C2orf76: variants seen among roughly 807,000 people sequenced by gnomAD.
C2orf76 encodes the protein UPF0538 protein C2orf76.
A neutral mutation model predicts 16.9 loss-of-function variants in C2orf76; 23 were observed. The ratio of observed to expected loss-of-function variants is 1.36; its 90% CI spans 0.98 to 1.93. C2orf76 has a LOEUF of 1.93. Ranked by LOEUF, C2orf76 falls within the 30% of genes most tolerant of loss-of-function variation. The pLI is 0.00. For missense variants in C2orf76, 152 were observed against 152.6 expected (o/e 1.00, Z 0.02); for synonymous variants, 48 against 52.3 (o/e 0.92, Z 0.35).
chr2:119,356,838 C>T (rs934985196), intron 1 of C2orf76, among the ~76,000 whole-genome samples: 1 of 151,400 alleles, frequency 6.6e-6, no homozygotes, highest in Non-Finnish European at 1.5e-5. Flanking sequence ...CTGCAAATAG[C>T]GAAAGGATAA....
chr2:119,301,076 A>AACACACACACACACAC (rs57577702), downstream of C2orf76, among the ~76,000 whole-genome samples: 334 of 146,234 alleles, frequency 2.3e-3, 3 homozygotes, highest in African/African-American at 7.7e-3. Context: ...ACTTCTTAAA[A>AACACACACACACACAC]ACACACACAC....
intron 2 of C2orf76, among the ~76,000 whole-genome samples, chr2:119,334,379 C>CAAAAAAAAAAAA (rs34753333): frequency 2.8e-5 from 2 of 71,624 alleles, no homozygotes; most frequent in Admixed American, 1.9e-4. Flanking sequence ...GTATGCAAAG[C>CAAAAAAAAAAAA]AAAAAAAAAA....
intron 4 of C2orf76, 101 bp downstream of exon 4, chr2:119,317,365 T>A: frequency 1.3e-6 from 1 of 797,784 alleles, no homozygotes; most frequent in Non-Finnish European, 1.8e-6. Flanking sequence ...GCTATTATAA[T>A]GGGAAATATT....
chr2:119,342,695 G>A (rs1235120517), intron 1 of C2orf76, among the ~76,000 whole-genome samples: 1 of 152,054 alleles, frequency 6.6e-6, no homozygotes, highest in Non-Finnish European at 1.5e-5. Flanking sequence ...GGAATAAATT[G>A]GGGCTTCAAT....
At chr2:119,308,820 A>G (rs1166166736) in intron 5 of C2orf76, among the ~76,000 whole-genome samples, 1 of 152,202 alleles carries the variant, frequency 6.6e-6, no homozygotes, top group Non-Finnish European at 1.5e-5. Context: ...TGGCTTAGAA[A>G]CAAGTACCAT....
chr2:119,281,218 C>T, the C2orf76 span, among the ~76,000 whole-genome samples: 53 of 152,264 alleles, frequency 3.5e-4, no homozygotes, highest in African/African-American at 1.2e-3. Context: ...TATTTCATCA[C>T]CCGGGTATTA....
chr2:119,336,675 G>A (rs79406930), intron 2 of C2orf76, among the ~76,000 whole-genome samples: 1,667 of 151,946 alleles, frequency 0.011, 33 homozygotes, highest in African/African-American at 0.038. Flanking sequence ...GAGGAGGATC[G>A]AAAAATAAAA....
intron 2 of C2orf76, among the ~76,000 whole-genome samples, chr2:119,323,758 C>A (rs1296629294): frequency 6.6e-6 from 1 of 152,208 alleles, no homozygotes; most frequent in Non-Finnish European, 1.5e-5. Flanking sequence ...GATCTGAGAG[C>A]ATGCGCCCAT....
the C2orf76 span, among the ~76,000 whole-genome samples, chr2:119,292,497 C>T: frequency 3.9e-5 from 6 of 152,242 alleles, no homozygotes; most frequent in Admixed American, 6.5e-5. Context: ...CGAGTCAGAC[C>T]GACAAAAACA....
At chr2:119,362,184 A>G (rs1335280967) in intron 1 of C2orf76, among the ~76,000 whole-genome samples, 1 of 152,218 alleles carries the variant, frequency 6.6e-6, no homozygotes, top group Non-Finnish European at 1.5e-5. Context: ...TTCTAGTAAC[A>G]TTCTTTTCTA....
chr2:119,330,045 T>C (rs1679623011), intron 2 of C2orf76, among the ~76,000 whole-genome samples: 1 of 152,086 alleles, frequency 6.6e-6, no homozygotes, highest in Admixed American at 6.6e-5. Context: ...TCTGAAAACA[T>C]CTTCATGTTG....
intron 2 of C2orf76, among the ~76,000 whole-genome samples, chr2:119,335,964 T>A (rs1679831675): frequency 6.6e-6 from 1 of 152,210 alleles, no homozygotes. Context: ...ATCGAAATGC[T>A]TGCAAATTAA....
intron 1 of C2orf76, among the ~76,000 whole-genome samples, chr2:119,360,287 G>T (rs1680703125): frequency 6.6e-6 from 1 of 152,178 alleles, no homozygotes; most frequent in East Asian, 1.9e-4. Context: ...TGACCAGCCT[G>T]GCCAACATGG....
At chr2:119,358,502 C>T (rs191428132) in intron 1 of C2orf76, among the ~76,000 whole-genome samples, 3 of 147,956 alleles carry the variant, frequency 2.0e-5, no homozygotes, top group South Asian at 2.2e-4. Context: ...CACTTGAATC[C>T]GGGAGGTGCA....
intron 1 of C2orf76, among the ~76,000 whole-genome samples, chr2:119,366,172 G>A (rs1489018647): frequency 6.6e-6 from 1 of 152,098 alleles, no homozygotes; most frequent in Non-Finnish European, 1.5e-5. Flanking sequence ...CTACTTGTAA[G>A]TTCCAAGATT....
intron 1 of C2orf76, among the ~76,000 whole-genome samples, chr2:119,350,074 C>CCA: frequency 1.0e-5 from 1 of 95,318 alleles, no homozygotes; most frequent in African/African-American, 4.3e-5. Flanking sequence ...ACACCGCCCC[C>CCA]CGCCCCCCCA....
chr2:119,305,972 G>A lies in C2orf76; in HGVS notation c.305-3424C>T, dbSNP rs74703992. ...AAAAAAAAAAACAAAAAAAACCTCG[G>A]TCTTTGATAGACTGGGTACATGCCT... On this transcript the variant is annotated intron_variant, in intron 5 of 5. Coordinates refer to ENST00000334816, the MANE Select transcript of C2orf76 (RefSeq NM_001322331.2). Among the ~76,000 whole-genome samples, 756 of 151,378 alleles carry A rather than the reference G, an allele frequency of 5.0e-3. 6 individuals carry two copies. The highest frequency in any genetic ancestry group is 0.04 in the South Asian group (189 of 4,782).
chr2:119,367,021 G>A (rs950050010), upstream of C2orf76: 1 of 1,613,992 alleles, frequency 6.2e-7, no homozygotes, highest in African/African-American at 1.3e-5. Flanking sequence ...CTCCTCCGCT[G>A]TCTCCCTGGA....
intron 2 of C2orf76, among the ~76,000 whole-genome samples, chr2:119,327,048 T>C (rs138753404): frequency 2.2e-3 from 336 of 152,290 alleles, no homozygotes; most frequent in Admixed American, 4.1e-3. Flanking sequence ...GCCTGTTACT[T>C]CATTTTCTTG....
Sources: allele counts gnomAD v4.1 joint callset (sites outside exome capture counted in the v4.1 genomes callset), GRCh38; gene constraint gnomAD v4.1.1; transcripts MANE v1.5; gene names NCBI Gene and HGNC (gene_info 2026-07-23, HGNC 2026-07-21).